Variants in CDH4 observed in about 807,000 individuals in gnomAD.
CDH4 encodes cadherin 4, also known as cadherin-4.
CDH4 carries 33 observed loss-of-function variants against 86.0 expected under a neutral mutation model. The observed-to-expected ratio is 0.38, with a 90% CI of 0.29 to 0.51. The LOEUF (loss-of-function observed/expected upper bound fraction) is 0.51. CDH4 is among the 20% of genes least tolerant of loss of function. The probability of loss-of-function intolerance (pLI) is 0.86; values close to 1 mark genes in which losing one functional copy is unlikely to be tolerated. For synonymous variants in CDH4, 555 were observed against 549.4 expected (o/e 1.01, Z -0.14); for missense variants, 1,114 against 1,307.4 (o/e 0.85, Z 2.28).
At chr20:61,495,607 G>A (rs1201309453) in intron 2 of CDH4, among the ~76,000 whole-genome samples, 3 of 152,122 alleles carry the variant, frequency 2.0e-5, no homozygotes, top group Non-Finnish European at 1.5e-5. Flanking sequence ...AAGAAGGTAA[G>A]AGAGTCCTGG....
At chr20:61,781,313 T>C (rs1396206320) in intron 4 of CDH4, among the ~76,000 whole-genome samples, 2 of 151,920 alleles carry the variant, frequency 1.3e-5, no homozygotes, top group East Asian at 3.9e-4. Flanking sequence ...CCAGGAACCC[T>C]GAGATCACCC....
intron 2 of CDH4, among the ~76,000 whole-genome samples, chr20:61,641,067 A>G (rs868644565): frequency 3.9e-5 from 6 of 152,026 alleles, no homozygotes; most frequent in African/African-American, 1.4e-4. Flanking sequence ...GTGCACCTCC[A>G]TGTTTTCCCC....
intron 2 of CDH4, among the ~76,000 whole-genome samples, chr20:61,270,289 G>A (rs973854635): frequency 6.6e-6 from 1 of 152,230 alleles, no homozygotes; most frequent in Non-Finnish European, 1.5e-5. Flanking sequence ...GGGTTTAGAA[G>A]TAAGTTGTTC....
chr20:61,291,767 C>T (rs943301104), intron 2 of CDH4, among the ~76,000 whole-genome samples: 14 of 152,076 alleles, frequency 9.2e-5, no homozygotes, highest in African/African-American at 3.1e-4. Context: ...CCTTTAGGTT[C>T]GGGGGTACAT....
At chr20:61,805,494 A>G (rs1318791239) in intron 4 of CDH4, among the ~76,000 whole-genome samples, 1 of 152,212 alleles carries the variant, frequency 6.6e-6, no homozygotes, top group Non-Finnish European at 1.5e-5. Context: ...TCCGGGATCC[A>G]GAGGGTACAC....
chr20:61,302,683 G>T (rs1173950103), intron 2 of CDH4, among the ~76,000 whole-genome samples: 2 of 152,194 alleles, frequency 1.3e-5, no homozygotes, highest in East Asian at 3.9e-4. Flanking sequence ...AGACACACCT[G>T]TTTCGGTTCC....
In CDH4 at chr20:61,269,884, GC is replaced by G. The variant is rs1474667863; in HGVS notation, c.169+14951del. Among the ~76,000 whole-genome samples, 3 of 152,128 alleles carry G rather than the reference GC, an allele frequency of 2.0e-5. No individual in the cohort carries two copies. The highest frequency in any genetic ancestry group is 4.4e-5 in the Non-Finnish European group (3 of 68,030). On this transcript the variant is annotated intron_variant, in intron 2 of 15. Transcript: ENST00000614565. This position sits in a 1 kb window ranked among gnomAD's most constrained non-coding sequence, Gnocchi z 5.3. Reference sequence around the variant, plus strand: ...AGCCAGTGGTACTCATTTCCACATGGCCCCGGCTGTTGACGATGACCTTAAG... The same window carrying G: ...AGCCAGTGGTACTCATTTCCACATGGCCCGGCTGTTGACGATGACCTTAAG...
chr20:61,640,035 G>C (rs1471040148), intron 2 of CDH4, among the ~76,000 whole-genome samples: 2 of 152,192 alleles, frequency 1.3e-5, no homozygotes, highest in African/African-American at 2.4e-5. Flanking sequence ...TCACTTGGGA[G>C]AGCTGATGGG....
intron 2 of CDH4, among the ~76,000 whole-genome samples, chr20:61,432,986 G>A (rs765594636): frequency 4.0e-5 from 6 of 151,640 alleles, no homozygotes; most frequent in Non-Finnish European, 7.4e-5. Flanking sequence ...TTACAGGCAC[G>A]TGCCACCACG....
intron 2 of CDH4, among the ~76,000 whole-genome samples, chr20:61,651,276 T>A (rs1260682794): frequency 6.6e-6 from 1 of 152,238 alleles, no homozygotes; most frequent in Non-Finnish European, 1.5e-5. Flanking sequence ...GAGTTCTGAT[T>A]GCAGGGTCTC....
chr20:61,795,718 T>G (rs540469379), intron 4 of CDH4, among the ~76,000 whole-genome samples: 1 of 151,984 alleles, frequency 6.6e-6, no homozygotes, highest in Admixed American at 6.5e-5. Flanking sequence ...GCCAGGAGTG[T>G]GGACTCAGGA....
chr20:61,296,058 T>G (rs1600843325), intron 2 of CDH4, among the ~76,000 whole-genome samples: 1 of 151,794 alleles, frequency 6.6e-6, no homozygotes, highest in Non-Finnish European at 1.5e-5. Context: ...GCCAGGACGG[T>G]GGGGCAAGGG....
chr20:61,662,266 G>A (rs533388247), intron 2 of CDH4, among the ~76,000 whole-genome samples: 9 of 152,330 alleles, frequency 5.9e-5, no homozygotes, highest in African/African-American at 2.2e-4. Context: ...GTGAGAGCGC[G>A]TGGGAATGGC....
chr20:61,354,903 A>G (rs565770684), intron 2 of CDH4, among the ~76,000 whole-genome samples: 18 of 152,336 alleles, frequency 1.2e-4, no homozygotes, highest in African/African-American at 4.3e-4. Flanking sequence ...CTGCCGACGC[A>G]GCTTACTCCG....
intron 4 of CDH4, among the ~76,000 whole-genome samples, chr20:61,809,946 G>A (rs1021647660): frequency 1.3e-5 from 2 of 152,202 alleles, no homozygotes; most frequent in African/African-American, 4.8e-5. Flanking sequence ...GTTGCAGGCA[G>A]TCAGGGGAGG....
intron 2 of CDH4, among the ~76,000 whole-genome samples, chr20:61,529,000 A>C (rs1299903541): frequency 6.6e-6 from 1 of 152,188 alleles, no homozygotes; most frequent in African/African-American, 2.4e-5. Context: ...TTTTCTGGTG[A>C]AATGTTCGGT....
At chr20:61,438,844 A>G (rs1266510468) in intron 2 of CDH4, among the ~76,000 whole-genome samples, 3 of 152,156 alleles carry the variant, frequency 2.0e-5, no homozygotes, top group African/African-American at 7.2e-5. Flanking sequence ...TAAATCAATA[A>G]GATTCCCAAA....
At chr20:61,399,128 T>TTC in intron 2 of CDH4, among the ~76,000 whole-genome samples, 1 of 43,452 alleles carries the variant, frequency 2.3e-5, no homozygotes, top group Non-Finnish European at 4.2e-5. Context: ...ACTTTTTTTT[T>TTC]TTTTTTTTTT....
chr20:61,524,487 A>G (rs1461797031), intron 2 of CDH4, among the ~76,000 whole-genome samples: 4 of 141,142 alleles, frequency 2.8e-5, no homozygotes, highest in Admixed American at 6.9e-5. Flanking sequence ...TGAATATTAC[A>G]CTTTTTTTTT....
Sources: gnomAD v4.1 joint callset for allele counts (sites outside exome capture counted in the v4.1 genomes callset) on GRCh38, gnomAD v4.1.1 for gene constraint, Gnocchi (gnomAD v3.1) non-coding constraint, MANE v1.5 for transcripts, NCBI Gene and HGNC (gene_info 2026-07-23, HGNC 2026-07-21) for gene names.